Variants in CCDC138 observed in about 807,000 individuals in gnomAD.
CCDC138 encodes coiled-coil domain-containing protein 138.
In CCDC138, 66 loss-of-function variants were observed where a neutral mutation model predicts 82.3. That is an observed-to-expected ratio of 0.80 (90% confidence interval 0.66 to 0.98). The LOEUF (loss-of-function observed/expected upper bound fraction) is 0.98, where lower values mean the gene tolerates loss of function less well. Among genes scored for constraint, CCDC138 ranks in the 50% least tolerant of loss-of-function variants. The pLI, the probability that CCDC138 is intolerant of heterozygous loss-of-function variation, is 0.00. For synonymous variants in CCDC138, 297 were observed against 265.4 expected (o/e 1.12, Z -1.16); for missense variants, 816 against 758.9 (o/e 1.08, Z -0.88).
downstream of CCDC138, among the ~76,000 whole-genome samples, chr2:108,878,664 T>C (rs1696187216): frequency 6.6e-6 from 1 of 152,188 alleles, no homozygotes; most frequent in Non-Finnish European, 1.5e-5. Context: ...TGAAAAAAAT[T>C]GTTTTTAAAT....
At chr2:108,812,495 G>A (rs1487879053) in intron 7 of CCDC138, 136 bp from the exon 8 acceptor site, 18 of 647,386 alleles carry the variant, frequency 2.8e-5, no homozygotes, top group Non-Finnish European at 4.9e-5. Flanking sequence ...TGTGATCTAA[G>A]TTAATCATGA....
At chr2:108,854,127 T>G (rs1160136473) in intron 12 of CCDC138, among the ~76,000 whole-genome samples, 1 of 139,622 alleles carries the variant, frequency 7.2e-6, no homozygotes, top group Non-Finnish European at 1.5e-5. Context: ...TATATACATA[T>G]GTAGAAAATG....
intron 2 of CCDC138, chr2:108,884,574 C>T (rs766343431): frequency 5.9e-5 from 9 of 152,178 alleles, no homozygotes; most frequent in Admixed American, 3.3e-4. Context: ...GTGGTAGTGA[C>T]AGCGTATTTC....
intron 10 of CCDC138, among the ~76,000 whole-genome samples, chr2:108,820,012 A>G (rs1685403462): frequency 1.3e-5 from 2 of 152,236 alleles, no homozygotes; most frequent in Admixed American, 1.3e-4. Flanking sequence ...GAAAGAACCA[A>G]ATAAATTCTG....
At chr2:108,791,887 G>A (rs1679971229) in intron 4 of CCDC138, 85 bp downstream of exon 4, 2 of 1,322,968 alleles carry the variant, frequency 1.5e-6, no homozygotes, top group Admixed American at 5.1e-5. Flanking sequence ...TAATAACACT[G>A]GCCCCCAAGA....
chr2:108,786,893 T>C lies in CCDC138; in HGVS notation c.71T>C (p.Leu24Pro). 1 of 1,554,944 alleles carries C rather than the reference T, an allele frequency of 6.4e-7. No individual in the cohort carries two copies. Among genetic ancestry groups the C allele is most frequent in the Non-Finnish European group, 8.7e-7 (1 of 1,153,438 alleles). Residue 24 changes from leucine (L) to proline (P), a missense_variant, in exon 1 of 15, where the codon CTC (leucine) becomes CCC (proline). By Grantham distance (98) the Leu-to-Pro change is moderately conservative. Coordinates refer to ENST00000295124, the MANE Select transcript of CCDC138 (RefSeq NM_144978.3). ...GAGAGTCTCAAAAGCCGCTACGGAC[T>C]CGGGGGCAGCTGCCCCGACGAGGTG... is the stretch of plus-strand genomic sequence containing the variant. ...VVESLKSRYG[L>P]GGSCPDEYDF...
intron 11 of CCDC138, among the ~76,000 whole-genome samples, chr2:108,843,788 C>T (rs1478421896): frequency 2.0e-5 from 3 of 147,956 alleles, no homozygotes; most frequent in African/African-American, 5.1e-5. Flanking sequence ...AGTCTCTGGG[C>T]ACGTTTTTTG....
chr2:108,849,064 A>T (rs1022704393), intron 12 of CCDC138, among the ~76,000 whole-genome samples: 1 of 152,204 alleles, frequency 6.6e-6, no homozygotes, highest in South Asian at 2.1e-4. Context: ...ATTTCTGCAA[A>T]TGAAAAACCC....
intron 5 of CCDC138, among the ~76,000 whole-genome samples, 190 bp downstream of exon 5, chr2:108,794,911 G>C (rs564060744): frequency 6.6e-6 from 1 of 152,148 alleles, no homozygotes; most frequent in Non-Finnish European, 1.5e-5. Flanking sequence ...AGAGAAAATA[G>C]AGACAGTGGC....
intron 13 of CCDC138, 95 bp downstream of exon 13, chr2:108,857,065 GCTTTT>G: frequency 1.8e-5 from 1 of 55,346 alleles, no homozygotes; most frequent in Non-Finnish European, 3.4e-5. Flanking sequence ...AGATACTATT[GCTTTT>G]TTTTTTTTTT....
intron 1 of CCDC138, among the ~76,000 whole-genome samples, chr2:108,881,837 T>G (rs1380435140): frequency 1.3e-5 from 2 of 152,114 alleles, no homozygotes; most frequent in African/African-American, 4.8e-5. Flanking sequence ...CTGAAACAAT[T>G]ACAATAGTAA....
Position 108,808,773 on chromosome 2 carries a change from C to T in CCDC138, c.855+3765C>T, listed in dbSNP as rs1460520542. Among the ~76,000 whole-genome samples, 5 of 151,778 alleles carry T rather than the reference C, an allele frequency of 3.3e-5. No individual in the cohort carries two copies. The East Asian group carries it at 9.6e-4, about 29-fold the overall frequency. On this transcript the variant is annotated intron_variant, in intron 7 of 14. Transcript: ENST00000295124. ...TCACCCTAGTTGGATGAATAGTTTGCATATATTTTCTCCTATTCTGCAGGT... is the reference window on the plus strand; with the variant it reads ...TCACCCTAGTTGGATGAATAGTTTGTATATATTTTCTCCTATTCTGCAGGT...
At chr2:108,843,381 C>G (rs1689843049) in intron 11 of CCDC138, among the ~76,000 whole-genome samples, 1 of 152,216 alleles carries the variant, frequency 6.6e-6, no homozygotes, top group Admixed American at 6.5e-5. Flanking sequence ...TGGTCTCGAA[C>G]TCCTGACCTC....
intron 9 of CCDC138, among the ~76,000 whole-genome samples, chr2:108,813,761 T>C (rs1012640786): frequency 1.3e-5 from 2 of 152,220 alleles, no homozygotes; most frequent in Non-Finnish European, 1.5e-5. Flanking sequence ...CTTTCCACTA[T>C]CCTAGAAAGT....
intron 1 of CCDC138, 44 bp from the exon 2 acceptor site, chr2:108,787,988 T>C (rs755656355): frequency 7.1e-6 from 10 of 1,410,650 alleles, no homozygotes; most frequent in Admixed American, 2.3e-5. Context: ...AGACAGTAAA[T>C]TGATTTTTAG....
intron 7 of CCDC138, among the ~76,000 whole-genome samples, chr2:108,811,432 G>A (rs2149813866): frequency 6.6e-6 from 1 of 151,744 alleles, no homozygotes; most frequent in South Asian, 2.1e-4. Context: ...TTGTTGTAGA[G>A]ATGAGGTCTT....
intron 6 of CCDC138, among the ~76,000 whole-genome samples, chr2:108,803,352 C>T (rs1287045348): frequency 6.6e-6 from 1 of 152,158 alleles, no homozygotes; most frequent in African/African-American, 2.4e-5. Flanking sequence ...CATAGAGGCC[C>T]CTCTTCCTGA....
exon 3 of CCDC138, chr2:108,885,395 A>C (rs900362224): frequency 7.2e-5 from 11 of 152,180 alleles, no homozygotes; most frequent in Admixed American, 2.6e-4. Context: ...AATGACTTTA[A>C]CTTCTTTGAT....
At chr2:108,821,775 T>C (rs1326574373) in intron 10 of CCDC138, among the ~76,000 whole-genome samples, 1 of 151,904 alleles carries the variant, frequency 6.6e-6, no homozygotes, top group Non-Finnish European at 1.5e-5. Context: ...TGAAACCCCA[T>C]CTCTACTAAA....
Sources: allele counts gnomAD v4.1 joint callset (sites outside exome capture counted in the v4.1 genomes callset), GRCh38; gene constraint gnomAD v4.1.1; transcripts MANE v1.5; gene names NCBI Gene and HGNC (gene_info 2026-07-23, HGNC 2026-07-21).